EXT2: variants seen among roughly 807,000 people sequenced by gnomAD.
The protein encoded by EXT2 is exostosin-2.
In EXT2, 53 loss-of-function variants were observed where a neutral mutation model predicts 81.6. The observed-to-expected ratio is 0.65, with a 90% CI of 0.52 to 0.82. The LOEUF is 0.82. Among genes scored for constraint, EXT2 ranks in the 40% least tolerant of loss-of-function variants. The pLI, the probability that EXT2 is intolerant of heterozygous loss-of-function variation, is 0.00. For missense variants in EXT2, 774 were observed against 910.2 expected, an observed-to-expected ratio of 0.85 and a Z score of 1.93; for synonymous variants, 320 against 340.0, an observed-to-expected ratio of 0.94 and a Z score of 0.65.
chr11:44,212,583 G>A lies in EXT2; in HGVS notation c.1662+5624G>A, dbSNP rs532935963. 2.6e-5 allele frequency among the ~76,000 whole-genome samples: 4 copies of A among 152,118 alleles called. No homozygotes were observed. The South Asian group carries it at 6.2e-4, about 24-fold the overall frequency. ...GTACAACCAATTTAGAAAACAGTTCGGCATATAGAACATTTTTTATATGAC... is the reference window on the plus strand; with the variant it reads ...GTACAACCAATTTAGAAAACAGTTCAGCATATAGAACATTTTTTATATGAC... On this transcript the variant is annotated intron_variant, in intron 10 of 13. Transcript: ENST00000533608.
At chr11:44,178,514 C>T (rs1003766306) in intron 8 of EXT2, among the ~76,000 whole-genome samples, 8 of 152,138 alleles carry the variant, frequency 5.3e-5, no homozygotes, top group African/African-American at 9.7e-5. Flanking sequence ...GATGTCCAGA[C>T]GGTGGCCCTC....
rs765835337 is a variant in EXT2, at chr11:44,234,226, G to A, written c.1918G>A (p.Gly640Arg). Residue 640 changes from glycine (G) to arginine (R), a missense_variant, in exon 12 of 14, where the codon GGA (glycine) becomes AGA (arginine). Gly to Arg is a moderately radical substitution (Grantham distance 125). Around this residue, in one of 2 missense-constraint regions of EXT2, gnomAD observed 148 missense variants for 239.7 expected, o/e 0.62. Coordinates refer to ENST00000533608, the MANE Select transcript of EXT2 (RefSeq NM_207122.2). ...GAACTTCCTGGTGGCCAACGTCACG[G>A]GAAAAGCAGTTATCAAGGTAGGAGG... ...AMNFLVANVT[G>R]KAVIKVTPRK... 1.2e-6 allele frequency: 2 copies of A among 1,613,894 alleles called. No homozygotes were observed. The highest frequency in any genetic ancestry group is 1.1e-5 in the South Asian group (1 of 91,062).
At chr11:44,177,227 T>G (rs1955171007) in intron 8 of EXT2, among the ~76,000 whole-genome samples, 1 of 152,242 alleles carries the variant, frequency 6.6e-6, no homozygotes, top group Non-Finnish European at 1.5e-5. Context: ...TGCATGTTTT[T>G]ATATTAATTT....
At chr11:44,235,225 CTTTT>C (rs35214626) in intron 12 of EXT2, among the ~76,000 whole-genome samples, 43 of 50,768 alleles carry the variant, frequency 8.5e-4, no homozygotes, top group African/African-American at 9.1e-5. Flanking sequence ...CCCAAATTTG[CTTTT>C]TTTTTTTTTT....
intron 11 of EXT2, among the ~76,000 whole-genome samples, chr11:44,233,446 C>T (rs1321208004): frequency 2.0e-5 from 3 of 152,128 alleles, no homozygotes; most frequent in Non-Finnish European, 4.4e-5. Flanking sequence ...GGAATCATCA[C>T]TTCGTGTTTT....
chr11:44,237,411 T>C (rs768136042), intron 13 of EXT2, among the ~76,000 whole-genome samples: 1 of 152,156 alleles, frequency 6.6e-6, no homozygotes, highest in Non-Finnish European at 1.5e-5. Flanking sequence ...TGATGTGAAA[T>C]AATATATTAT....
At chr11:44,152,925 G>C (rs1160389265) in intron 7 of EXT2, among the ~76,000 whole-genome samples, 2 of 152,186 alleles carry the variant, frequency 1.3e-5, no homozygotes, top group Non-Finnish European at 2.9e-5. Context: ...CTTGATGACT[G>C]TAGCTTTATT....
At chr11:44,234,389 G>A (rs560499225) in intron 12 of EXT2, 146 bp downstream of exon 12, 1 of 794,268 alleles carries the variant, frequency 1.3e-6, no homozygotes, top group East Asian at 2.7e-5. Context: ...GATTGATGCG[G>A]TCACATTGGG....
At chr11:44,113,557 T>C (rs1194878612) in intron 3 of EXT2, among the ~76,000 whole-genome samples, 1 of 152,180 alleles carries the variant, frequency 6.6e-6, no homozygotes, top group Non-Finnish European at 1.5e-5. Context: ...TAATTCTAGG[T>C]TCTGCTTCCT....
intron 8 of EXT2, 137 bp downstream of exon 8, chr11:44,171,879 C>A (rs1178148224): frequency 3.8e-6 from 5 of 1,306,440 alleles, no homozygotes; most frequent in Non-Finnish European, 4.4e-6. Flanking sequence ...ATACTTGGGG[C>A]CTGATAAGGG....
intron 7 of EXT2, among the ~76,000 whole-genome samples, chr11:44,146,578 G>A (rs1002390477): frequency 3.9e-5 from 6 of 152,128 alleles, no homozygotes; most frequent in African/African-American, 1.2e-4. Context: ...ACTGAGAACC[G>A]GCCTGTTGGG....
At chr11:44,143,486 C>T (rs1029394467) in intron 7 of EXT2, among the ~76,000 whole-genome samples, 1 of 152,178 alleles carries the variant, frequency 6.6e-6, no homozygotes, top group Admixed American at 6.5e-5. Flanking sequence ...TACTCCTACT[C>T]ATAGGTGTTT....
intron 9 of EXT2, among the ~76,000 whole-genome samples, chr11:44,205,031 T>C (rs1955566077): frequency 6.6e-6 from 1 of 152,188 alleles, no homozygotes. Context: ...AACATGGGAT[T>C]CTGAAGCTGC....
At position 44,251,636 on chromosome 11, in the gene EXT2, G is replaced by A. The variant is rs1374731195; in HGVS notation, c.*7349G>A. ...TCTGAACCTGAAGGCTATTACTGAA[G>A]AGAATTGCATCTGACAACAAAATTT... On this transcript the variant is annotated 3_prime_UTR_variant, in exon 14 of 14. Coordinates refer to ENST00000533608, the MANE Select transcript of EXT2 (RefSeq NM_207122.2). Among the ~76,000 whole-genome samples, 1 of 152,156 alleles carries A rather than the reference G, an allele frequency of 6.6e-6. No homozygotes were observed. The highest frequency in any genetic ancestry group is 6.5e-5 in the Admixed American group (1 of 15,280).
At chr11:44,178,602 G>T (rs962788891) in intron 8 of EXT2, among the ~76,000 whole-genome samples, 1 of 152,144 alleles carries the variant, frequency 6.6e-6, no homozygotes, top group Non-Finnish European at 1.5e-5. Context: ...AAATCACTCT[G>T]CAAGCTGAAG....
intron 7 of EXT2, among the ~76,000 whole-genome samples, chr11:44,156,506 G>C (rs549610686): frequency 4.9e-4 from 75 of 152,202 alleles, no homozygotes; most frequent in Non-Finnish European, 8.8e-4. Flanking sequence ...TTGAGAGATT[G>C]ATGTATTCTT....
At chr11:44,234,354 G>A in intron 12 of EXT2, 111 bp downstream of exon 12, 7 of 1,127,590 alleles carry the variant, frequency 6.2e-6, no homozygotes, top group Non-Finnish European at 9.2e-6. Flanking sequence ...TAAACTTTAA[G>A]CTCTATTTTA....
intron 8 of EXT2, among the ~76,000 whole-genome samples, chr11:44,191,942 A>G (rs1244342978): frequency 3.9e-5 from 6 of 152,384 alleles, no homozygotes; most frequent in Admixed American, 1.3e-4. Context: ...GAAATAGAGC[A>G]TAACGGTAGC....
chr11:44,152,536 A>G (rs1031744395), intron 7 of EXT2, among the ~76,000 whole-genome samples: 12 of 152,134 alleles, frequency 7.9e-5, no homozygotes, highest in African/African-American at 2.7e-4. Context: ...TTTTTAGTAG[A>G]GACGGGTTTT....
Sources: gnomAD v4.1 joint callset for allele counts (sites outside exome capture counted in the v4.1 genomes callset) on GRCh38, gnomAD v4.1.1 for gene constraint, gnomAD v4.1.1 regional missense constraint, MANE v1.5 for transcripts, NCBI Gene and HGNC (gene_info 2026-07-23, HGNC 2026-07-21) for gene names.